RERE: variants seen among roughly 807,000 people sequenced by gnomAD.
RERE encodes the protein arginine-glutamic acid dipeptide repeats protein.
A neutral mutation model predicts 146.1 loss-of-function variants in RERE; 40 were observed. That is an observed-to-expected ratio of 0.27 (90% CI 0.21 to 0.36). The LOEUF is 0.36. RERE is among the 10% of genes least tolerant of loss of function. The pLI, the probability that RERE is intolerant of heterozygous loss-of-function variation, is 1.00. For missense variants in RERE, 1,933 were observed against 2,138.7 expected, an observed-to-expected ratio of 0.90 and a Z score of 1.90; for synonymous variants, 1,003 against 866.0, an observed-to-expected ratio of 1.16 and a Z score of -2.78.
intron 10 of RERE, among the ~76,000 whole-genome samples, chr1:8,476,655 T>C (rs1381793592): frequency 6.6e-6 from 1 of 152,230 alleles, no homozygotes; most frequent in East Asian, 1.9e-4. Context: ...CAACAACCAG[T>C]ATAATATGAT....
At chr1:8,530,506 C>T (rs963608728) in intron 7 of RERE, among the ~76,000 whole-genome samples, 4 of 150,688 alleles carry the variant, frequency 2.7e-5, no homozygotes, top group Non-Finnish European at 4.4e-5. Flanking sequence ...AATGGGGAGG[C>T]GGGGCGGGGA....
chr1:8,703,877 G>T (rs1435536088), intron 1 of RERE, among the ~76,000 whole-genome samples: 1 of 152,172 alleles, frequency 6.6e-6, no homozygotes, highest in African/African-American at 2.4e-5. Context: ...TCGTGTCAAA[G>T]AACACTTCTG....
chr1:8,635,397 T>G (rs897028033), intron 2 of RERE, among the ~76,000 whole-genome samples: 2 of 152,232 alleles, frequency 1.3e-5, no homozygotes, highest in African/African-American at 4.8e-5. Context: ...GGTCATAGTA[T>G]TTAAAGTATC....
chr1:8,635,646 A>G (rs1414911714), intron 2 of RERE, among the ~76,000 whole-genome samples: 1 of 152,214 alleles, frequency 6.6e-6, no homozygotes. Context: ...AATGTATGAG[A>G]ACTTTGGGAG....
intron 12 of RERE, among the ~76,000 whole-genome samples, chr1:8,386,020 A>ATTT (rs1557603339): frequency 1.0e-3 from 38 of 36,676 alleles, no homozygotes; most frequent in Middle Eastern, 0.02. Flanking sequence ...ATATATATAT[A>ATTT]TATTTTTTTT....
intron 8 of RERE, among the ~76,000 whole-genome samples, chr1:8,501,048 GC>G (rs1159133104): frequency 1.3e-5 from 1 of 77,282 alleles, no homozygotes; most frequent in Non-Finnish European, 2.5e-5. Flanking sequence ...GGGGGGGTCA[GC>G]CCCCCGCCCG....
intron 4 of RERE, among the ~76,000 whole-genome samples, chr1:8,584,441 G>A (rs1570470471): frequency 6.6e-6 from 1 of 152,050 alleles, no homozygotes; most frequent in Non-Finnish European, 1.5e-5. Flanking sequence ...CAGCTACTAG[G>A]GAGTATGAGG....
intron 12 of RERE, among the ~76,000 whole-genome samples, chr1:8,366,934 A>C (rs933912908): frequency 6.7e-5 from 10 of 150,232 alleles, no homozygotes; most frequent in South Asian, 2.1e-4. Context: ...AAAAACAAAA[A>C]AAAAAAACCC....
At chr1:8,658,862 C>T (rs1256206246) in intron 1 of RERE, among the ~76,000 whole-genome samples, 1 of 152,154 alleles carries the variant, frequency 6.6e-6, no homozygotes, top group African/African-American at 2.4e-5. Flanking sequence ...TAGGTCAAAC[C>T]TCTTACCAGA....
chr1:8,647,402 G>A (rs891253307), intron 2 of RERE, among the ~76,000 whole-genome samples: 2 of 152,050 alleles, frequency 1.3e-5, no homozygotes, highest in African/African-American at 4.8e-5. Flanking sequence ...TCTAATAAGT[G>A]CAACTGAATT....
At chr1:8,363,857 C>T in intron 15 of RERE, 199 bp downstream of exon 15, 1 of 603,508 alleles carries the variant, frequency 1.7e-6, no homozygotes, top group Non-Finnish European at 2.9e-6. Flanking sequence ...CAGGATGCCA[C>T]CCTGGGGCCC....
intron 12 of RERE, among the ~76,000 whole-genome samples, chr1:8,377,748 G>A (rs1011933420): frequency 1.3e-5 from 2 of 151,978 alleles, no homozygotes; most frequent in Non-Finnish European, 2.9e-5. Context: ...AATATACATC[G>A]GCAATGTAAC....
intron 11 of RERE, among the ~76,000 whole-genome samples, chr1:8,458,270 G>C (rs1570271572): frequency 6.6e-6 from 1 of 152,218 alleles, no homozygotes; most frequent in African/African-American, 2.4e-5. Flanking sequence ...AAAGATGATA[G>C]AGAGTGGCTG....
At chr1:8,768,329 A>G (rs1340911445) in intron 1 of RERE, among the ~76,000 whole-genome samples, 2 of 152,260 alleles carry the variant, frequency 1.3e-5, no homozygotes, top group Non-Finnish European at 2.9e-5. Flanking sequence ...GGAAAGTTGT[A>G]TAAACCACAA....
At chr1:8,786,397 T>C in intron 1 of RERE, 2 of 875,428 alleles carry the variant, frequency 2.3e-6, no homozygotes, top group South Asian at 1.3e-5. Context: ...GATGATGCCA[T>C]ATTTACCAAG....
chr1:8,733,380 G>T (rs1168862325), intron 1 of RERE, among the ~76,000 whole-genome samples: 1 of 152,158 alleles, frequency 6.6e-6, no homozygotes, highest in Non-Finnish European at 1.5e-5. Context: ...GAGAACTGTG[G>T]TAACCAGCCC....
At chr1:8,585,669 A>G (rs1482963968) in intron 4 of RERE, among the ~76,000 whole-genome samples, 3 of 152,216 alleles carry the variant, frequency 2.0e-5, no homozygotes, top group Non-Finnish European at 4.4e-5. Flanking sequence ...TCTGGCTTCA[A>G]TAAGGATTAG....
At chr1:8,660,281 C>T (rs1157486627) in intron 1 of RERE, among the ~76,000 whole-genome samples, 1 of 152,138 alleles carries the variant, frequency 6.6e-6, no homozygotes, top group African/African-American at 2.4e-5. Context: ...GTGATCAACA[C>T]ATACCAATGA....
chr1:8,655,826 TG>T, intron 2 of RERE, 146 bp downstream of exon 2: 1 of 1,414,228 alleles, frequency 7.1e-7, no homozygotes, highest in Non-Finnish European at 9.5e-7. Flanking sequence ...TGACCAAAAG[TG>T]GGTCACATGT....
Sources: allele counts gnomAD v4.1 joint callset (sites outside exome capture counted in the v4.1 genomes callset), GRCh38; gene constraint gnomAD v4.1.1; transcripts MANE v1.5; gene names NCBI Gene and HGNC (gene_info 2026-07-23, HGNC 2026-07-21).